LRP1: variants seen among roughly 807,000 people sequenced by gnomAD.
The protein encoded by LRP1 is prolow-density lipoprotein receptor-related protein 1.
Under a neutral mutation model 541.5 loss-of-function variants are expected in LRP1, and 51 were observed. The observed-to-expected ratio is 0.09, with a 90% confidence interval of 0.08 to 0.12. LRP1 has a LOEUF of 0.12. Among genes scored for constraint, LRP1 ranks in the 10% least tolerant of loss-of-function variants. The pLI, the probability that LRP1 is intolerant of heterozygous loss-of-function variation, is 1.00. For missense variants in LRP1, 3,878 were observed against 6,376.2 expected, an observed-to-expected ratio of 0.61 and a Z score of 13.34; for synonymous variants, 2,219 against 2,470.8, an observed-to-expected ratio of 0.90 and a Z score of 3.02.
intron 44 of LRP1, among the ~76,000 whole-genome samples, chr12:57,192,373 A>G (rs1287990301): frequency 6.6e-6 from 1 of 151,974 alleles, no homozygotes; most frequent in Non-Finnish European, 1.5e-5. Context: ...GGGCTCATCC[A>G]TGCCCTCGGT....
At chr12:57,132,514 A>G (rs961228310) in intron 1 of LRP1, among the ~76,000 whole-genome samples, 1 of 152,142 alleles carries the variant, frequency 6.6e-6, no homozygotes. Context: ...ACCCTACTCT[A>G]GGCTCAGCGG....
intron 2 of LRP1, 41 bp downstream of exon 2, chr12:57,138,622 T>C (rs765421282): frequency 1.2e-6 from 2 of 1,607,478 alleles, no homozygotes; most frequent in Non-Finnish European, 1.7e-6. Context: ...AACCCTTAAC[T>C]TATCCCTCTT....
chr12:57,185,260 A>G lies in LRP1; in HGVS notation c.6463+55A>G, dbSNP rs1329494221. 6.2e-7 allele frequency: 1 copy of G among 1,603,050 alleles called. No homozygotes were observed. Among genetic ancestry groups the G allele is most frequent in the African/African-American group, 1.3e-5 (1 of 74,634 alleles). ...GAGGTGAGGGGGACTCTGGCCTGGGAGAGTGCTCCCCAGGGAACCCAGTGT... is the reference window on the plus strand; with the variant it reads ...GAGGTGAGGGGGACTCTGGCCTGGGGGAGTGCTCCCCAGGGAACCCAGTGT... On this transcript the variant is annotated intron_variant, in intron 40 of 88. Transcript: ENST00000243077. The surrounding 1 kb of genome is among the most constrained non-coding windows in gnomAD (Gnocchi z 4.9).
chr12:57,207,555 A>C (rs1003508222), intron 76 of LRP1, among the ~76,000 whole-genome samples: 2 of 151,120 alleles, frequency 1.3e-5, no homozygotes, highest in Non-Finnish European at 2.9e-5. Flanking sequence ...GAAAAAGAAA[A>C]CAAAAGGGCA....
intron 6 of LRP1, among the ~76,000 whole-genome samples, chr12:57,150,615 G>T (rs1027372802): frequency 6.6e-6 from 1 of 152,210 alleles, no homozygotes; most frequent in Non-Finnish European, 1.5e-5. Flanking sequence ...AGGCCACAGG[G>T]CTCTGGCTGG....
chr12:57,166,648 T>C (rs2035846443), intron 17 of LRP1, among the ~76,000 whole-genome samples: 1 of 152,024 alleles, frequency 6.6e-6, no homozygotes, highest in Non-Finnish European at 1.5e-5. Context: ...CTTCCCAGCC[T>C]GGGAAACTGA....
intron 18 of LRP1, 125 bp from the exon 19 acceptor site, chr12:57,167,319 T>G: frequency 1.3e-6 from 1 of 749,376 alleles, no homozygotes; most frequent in South Asian, 1.6e-5. Flanking sequence ...CTGCGGGGCC[T>G]TCCCCACCCT....
chr12:57,155,335 T>G (rs2035598162), intron 8 of LRP1: 1 of 163,340 alleles, frequency 6.1e-6, no homozygotes, highest in Admixed American at 5.7e-5. Context: ...ATGTCCTCTG[T>G]GGACAGAGTT....
chr12:57,207,297 C>CTAAA (rs72030270), intron 76 of LRP1, among the ~76,000 whole-genome samples: 1 of 134,458 alleles, frequency 7.4e-6, no homozygotes, highest in African/African-American at 3.2e-5. Context: ...GACTCGGTCT[C>CTAAA]TAAATAAATA....
In LRP1 at chr12:57,162,884, A is replaced by C. The variant is rs778911320; in HGVS notation, c.2431A>C (p.Asn811His). ...TGGCACCAACAAATGCCGGGTGAAC[A>C]ATGGCGGCTGCAGCAGCCTGTGCTT... is the stretch of plus-strand genomic sequence containing the variant. ...QVGTNKCRVN[N>H]GGCSSLCLAT... The change falls in exon 15 of 89, where the codon AAT (asparagine) becomes CAT (histidine). Residue 811 changes from asparagine to histidine, a missense_variant. Physicochemically the swap from Asn to His is moderately conservative, Grantham distance 68. Around this residue, in one of 13 missense-constraint regions of LRP1, gnomAD observed 496 missense variants for 861.0 expected, o/e 0.58. Transcript: ENST00000243077. This position sits in a 1 kb window ranked among gnomAD's most constrained non-coding sequence, Gnocchi z 5.2. 6.2e-7 allele frequency: 1 copy of C among 1,608,234 alleles called. No homozygotes were observed. Among genetic ancestry groups the C allele is most frequent in the Admixed American group, 1.7e-5 (1 of 59,546 alleles).
rs375444272 is a variant in LRP1 at position 57,175,890 on chromosome 12, C to T, written c.3794-19C>T. Reference sequence around the variant, plus strand: ...GCAGCTAGCCCCTTGCTGACCCCATCACATCCCTCCCATCCCAGACCCCTT... The same window carrying T: ...GCAGCTAGCCCCTTGCTGACCCCATTACATCCCTCCCATCCCAGACCCCTT... On this transcript the variant is annotated intron_variant, in intron 23 of 88. Coordinates refer to ENST00000243077, the MANE Select transcript of LRP1 (RefSeq NM_002332.3). 5 of 1,613,138 alleles carry T rather than the reference C, an allele frequency of 3.1e-6. No individual in the cohort carries two copies. In the African/African-American group the frequency reaches 6.7e-5, roughly 22 times the overall value.
At chr12:57,180,583 C>T in intron 32 of LRP1, 84 bp from the exon 33 acceptor site, 1 of 1,607,412 alleles carries the variant, frequency 6.2e-7, no homozygotes, top group Non-Finnish European at 8.5e-7. Context: ...GTGGGGCGGG[C>T]CTGATGACTT....
chr12:57,179,063 G>A lies in LRP1; in HGVS notation c.4738+42G>A. ...CCAGAGCCAGTGAGCAACTGAGGCT[G>A]GAGGGAAGGCCGCAGGCCCCAGGAT... On this transcript the variant is annotated intron_variant, in intron 28 of 88. Coordinates refer to ENST00000243077, the MANE Select transcript of LRP1 (RefSeq NM_002332.3). This position sits in a 1 kb window ranked among gnomAD's most constrained non-coding sequence, Gnocchi z 6.8. The A allele has an allele frequency of 6.3e-7, 1 of 1,599,846 alleles. No individual in the cohort carries two copies. Among genetic ancestry groups the A allele is most frequent in the Admixed American group, 1.7e-5 (1 of 57,220 alleles).
chr12:57,195,873 C>A lies in LRP1; in HGVS notation c.8571C>A (p.Thr2857=). The part of the protein sequence containing the change: ...SDESPECEYP[T]CGPSEFRCAN... The stretch of plus-strand genomic sequence containing the variant: ...CCATTCCTCCCCCAGAGTACCCGAC[C>A]TGCGGCCCCAGTGAGTTCCGCTGTG... The change falls in exon 54 of 89, where the codon ACC becomes ACA. Residue 2857 remains threonine (T), a synonymous_variant. Coordinates refer to ENST00000243077, the MANE Select transcript of LRP1 (RefSeq NM_002332.3). 6.2e-7 allele frequency: 1 copy of A among 1,613,932 alleles called. No homozygotes were observed. Among genetic ancestry groups the A allele is most frequent in the Non-Finnish European group, 8.5e-7 (1 of 1,180,028 alleles).
In LRP1 at chr12:57,129,203, A is replaced by G. The variant is rs1472663960; in HGVS notation, c.67+172A>G. 5 of 664,098 alleles carry G rather than the reference A, an allele frequency of 7.5e-6. No homozygotes were observed. The East Asian group carries it at 1.4e-4, about 18-fold the overall frequency. 41.1% of individuals were successfully genotyped at this position (664,098 alleles called of 1,614,324 possible). A position where few individuals can be genotyped will look rare whatever the true frequency, so the allele number is the denominator to read the frequency against. ...GCGGGGATGGGGTCCGATTTGGGGG[A>G]TGGGGGCCCTGGGCAAATGATGCTT... On this transcript the variant is annotated intron_variant, in intron 1 of 88. Transcript: ENST00000243077.
Position 57,141,449 on chromosome 12 carries a change from C to A in LRP1, c.266C>A (p.Ser89Tyr). Reference sequence around the variant, plus strand: ...GGTACTGAGCTGTGTGTTCCCATGTCCCGCCTCTGCAATGGGGTCCAGGAC... The same window carrying A: ...GGTACTGAGCTGTGTGTTCCCATGTACCGCCTCTGCAATGGGGTCCAGGAC... ...CLGTELCVPMSRLCNGVQDCM... is the reference protein window; with the variant it reads ...CLGTELCVPMYRLCNGVQDCM... Residue 89 changes from serine to tyrosine, a missense_variant, in exon 3 of 89, where the codon TCC becomes TAC. By Grantham distance (144) the Ser-to-Tyr change is moderately radical. Transcript: ENST00000243077. 1 of 1,614,172 alleles carries A rather than the reference C, an allele frequency of 6.2e-7. No individual in the cohort carries two copies. Among genetic ancestry groups the A allele is most frequent in the Non-Finnish European group, 8.5e-7 (1 of 1,180,018 alleles).
At chr12:57,203,320 C>T in intron 69 of LRP1, 33 bp downstream of exon 69, 1 of 1,592,322 alleles carries the variant, frequency 6.3e-7, no homozygotes, top group African/African-American at 1.3e-5. Flanking sequence ...AGCAGATGGC[C>T]TCAGAGGAGT....
chr12:57,174,571 T>C (rs1220042361), intron 22 of LRP1, among the ~76,000 whole-genome samples: 1 of 152,100 alleles, frequency 6.6e-6, no homozygotes, highest in Non-Finnish European at 1.5e-5. Flanking sequence ...GCTCAGGAAT[T>C]TGAGATCAGC....
chr12:57,163,135 G>A (rs2035772266), intron 15 of LRP1, 152 bp downstream of exon 15: 8 of 1,170,030 alleles, frequency 6.8e-6, no homozygotes, highest in South Asian at 1.7e-5. Flanking sequence ...GAGGGGGAGA[G>A]CAAAGGCTCT....
Sources: gnomAD v4.1 joint callset for allele counts (sites outside exome capture counted in the v4.1 genomes callset) on GRCh38, gnomAD v4.1.1 for gene constraint, gnomAD v4.1.1 regional missense constraint, Gnocchi (gnomAD v3.1) non-coding constraint, MANE v1.5 for transcripts, NCBI Gene and HGNC (gene_info 2026-07-23, HGNC 2026-07-21) for gene names.